The following PODXL2 variants were observed in gnomAD, a reference collection of about 807,000 sequenced individuals.
PODXL2 encodes podocalyxin like 2.
A neutral mutation model predicts 53.4 loss-of-function variants in PODXL2; 17 were observed. The observed-to-expected ratio is 0.32, with a 90% CI of 0.22 to 0.48. PODXL2 has a LOEUF of 0.48. PODXL2 is among the 20% of genes least tolerant of loss of function. The pLI is 0.99. For synonymous variants in PODXL2, 311 were observed against 306.7 expected (o/e 1.01, Z -0.15); for missense variants, 673 against 760.0 (o/e 0.89, Z 1.35).
At chr3:127,668,095 T>C (rs1428449799) in intron 4 of PODXL2, among the ~76,000 whole-genome samples, 1 of 129,898 alleles carries the variant, frequency 7.7e-6, no homozygotes. Context: ...TCACTGTACA[T>C]GGCTGCGTGT....
chr3:127,663,867 T>C (rs2074781354), intron 4 of PODXL2, among the ~76,000 whole-genome samples: 1 of 152,216 alleles, frequency 6.6e-6, no homozygotes, highest in African/African-American at 2.4e-5. Flanking sequence ...GTTCGTATCT[T>C]TTTGCCAATC....
Position 127,660,434 on chromosome 3 carries a change from G to A in PODXL2, c.406G>A (p.Ala136Thr), listed in dbSNP as rs1026586646. ...AGGTTCCATTGAAGACACCAGCCAG[G>A]CTCAAGAGCTGCCAAACCTCCCCTC... ...KAGSIEDTSQ[A>T]QELPNLPSPL... is the part of the protein sequence containing the mutation. The change falls in exon 3 of 8, where the codon GCT becomes ACT. Residue 136 changes from alanine to threonine, a missense_variant. By Grantham distance (58) the Ala-to-Thr change is moderately conservative (BLOSUM62 0). Coordinates refer to ENST00000342480, the MANE Select transcript of PODXL2 (RefSeq NM_015720.4). 2 of 1,614,136 alleles carry A rather than the reference G, an allele frequency of 1.2e-6. No homozygotes were observed. The highest frequency in any genetic ancestry group is 3.3e-5 in the Admixed American group (2 of 60,016).
At chr3:127,636,111 A>G (rs541922996) in intron 1 of PODXL2, among the ~76,000 whole-genome samples, 35 of 152,378 alleles carry the variant, frequency 2.3e-4, no homozygotes, top group African/African-American at 7.7e-4. Context: ...AAGGTAGCTC[A>G]GATTCAAGGA....
At chr3:127,650,633 CTTTT>C (rs1302519638) in intron 2 of PODXL2, among the ~76,000 whole-genome samples, 2 of 152,100 alleles carry the variant, frequency 1.3e-5, no homozygotes, top group Non-Finnish European at 1.5e-5. Context: ...TTGTAACACT[CTTTT>C]TTGTTTTTTG....
At chr3:127,662,205 A>T (rs780115706) in intron 3 of PODXL2, 32 bp from the exon 4 acceptor site, 86 of 1,597,418 alleles carry the variant, frequency 5.4e-5, no homozygotes, top group Non-Finnish European at 7.3e-5. Flanking sequence ...TGCCTTCGTA[A>T]CTGTCGCCCT....
At chr3:127,645,895 G>A (rs997729192) in intron 2 of PODXL2, among the ~76,000 whole-genome samples, 2 of 152,200 alleles carry the variant, frequency 1.3e-5, no homozygotes, top group East Asian at 1.9e-4. Context: ...TCACCTCTTG[G>A]GGGTTGGAGG....
intron 1 of PODXL2, among the ~76,000 whole-genome samples, chr3:127,630,123 T>C (rs114496745): frequency 0.011 from 1,661 of 150,946 alleles, 37 homozygotes; most frequent in African/African-American, 0.034. Flanking sequence ...GGAGGGGGTG[T>C]GTAGGGAGGT....
chr3:127,672,168 C>G (rs1196444778), intron 7 of PODXL2, 100 bp from the exon 8 acceptor site: 1 of 866,138 alleles, frequency 1.2e-6, no homozygotes, highest in Non-Finnish European at 1.8e-6. Context: ...GTGGAGGGTG[C>G]CGCGGGAACC....
At chr3:127,643,435 C>A (rs927099519) in intron 2 of PODXL2, among the ~76,000 whole-genome samples, 1 of 152,090 alleles carries the variant, frequency 6.6e-6, no homozygotes, top group African/African-American at 2.4e-5. Context: ...GTTTCAAACT[C>A]CTGATCTCAA....
intron 2 of PODXL2, among the ~76,000 whole-genome samples, chr3:127,653,660 A>C (rs1202797442): frequency 6.8e-6 from 1 of 147,174 alleles, no homozygotes; most frequent in Non-Finnish European, 1.5e-5. Flanking sequence ...AAGAAAAAAA[A>C]AAAAAGAGAG....
At chr3:127,638,276 G>A (rs60905059) in intron 1 of PODXL2, among the ~76,000 whole-genome samples, 5,931 of 152,280 alleles carry the variant, frequency 0.039, 305 homozygotes, top group African/African-American at 0.11. Flanking sequence ...GAGGAAAAAG[G>A]CCTCCTTTAA....
At chr3:127,640,842 C>T (rs1006296105) in intron 2 of PODXL2, among the ~76,000 whole-genome samples, 2 of 152,176 alleles carry the variant, frequency 1.3e-5, no homozygotes, top group Non-Finnish European at 2.9e-5. Context: ...TTTGTTTTCA[C>T]TCAAAATATT....
intron 2 of PODXL2, among the ~76,000 whole-genome samples, chr3:127,652,476 C>G (rs1245763723): frequency 6.6e-6 from 1 of 152,180 alleles, no homozygotes; most frequent in African/African-American, 2.4e-5. Context: ...ACGAGGGGGT[C>G]TGCCCCAGGT....
At chr3:127,662,338 G>A (rs112870530) in intron 4 of PODXL2, 27 bp downstream of exon 4, 39 of 1,583,814 alleles carry the variant, frequency 2.5e-5, no homozygotes, top group African/African-American at 1.6e-4. Flanking sequence ...GCTCCGAACC[G>A]CAGGGAAAGG....
At chr3:127,656,734 C>CAAAA (rs71150487) in intron 2 of PODXL2, among the ~76,000 whole-genome samples, 3 of 28,114 alleles carry the variant, frequency 1.1e-4, no homozygotes, top group Non-Finnish European at 2.3e-4. Context: ...GACTCCATCT[C>CAAAA]AAAAAAAAAA....
intron 2 of PODXL2, among the ~76,000 whole-genome samples, chr3:127,654,631 A>G (rs2074710457): frequency 6.6e-6 from 1 of 152,010 alleles, no homozygotes; most frequent in Non-Finnish European, 1.5e-5. Context: ...TTTTTCCTAG[A>G]TTTTCTTTGA....
At chr3:127,670,958 C>T (rs1196624590) in intron 6 of PODXL2, among the ~76,000 whole-genome samples, 1 of 152,248 alleles carries the variant, frequency 6.6e-6, no homozygotes, top group African/African-American at 2.4e-5. Flanking sequence ...CTCAGTATCC[C>T]TCCCTGCACC....
At chr3:127,640,156 C>G (rs1312845671) in intron 2 of PODXL2, among the ~76,000 whole-genome samples, 1 of 152,230 alleles carries the variant, frequency 6.6e-6, no homozygotes, top group Non-Finnish European at 1.5e-5. Flanking sequence ...TGAATGCCCA[C>G]CGCCATGAGC....
chr3:127,636,315 A>G (rs926668167), intron 1 of PODXL2, among the ~76,000 whole-genome samples: 1 of 152,196 alleles, frequency 6.6e-6, no homozygotes, highest in Non-Finnish European at 1.5e-5. Flanking sequence ...TTCTTCTATA[A>G]TATTCGGGCT....
Sources: gnomAD v4.1 joint callset for allele counts (sites outside exome capture counted in the v4.1 genomes callset) on GRCh38, gnomAD v4.1.1 for gene constraint, MANE v1.5 for transcripts, NCBI Gene and HGNC (gene_info 2026-07-23, HGNC 2026-07-21) for gene names.